Variants in HK1 observed in about 807,000 individuals in gnomAD.
HK1 encodes the protein hexokinase 1, also known as hexokinase-1.
Under a neutral mutation model 91.6 loss-of-function variants are expected in HK1, and 28 were observed. The ratio of observed to expected loss-of-function variants is 0.31; its 90% CI spans 0.23 to 0.42. The LOEUF (loss-of-function observed/expected upper bound fraction) is 0.42, where lower values mean the gene tolerates loss of function less well. Among genes scored for constraint, HK1 ranks in the 10% least tolerant of loss-of-function variants. The pLI, the probability that HK1 is intolerant of heterozygous loss-of-function variation, is 1.00. For missense variants in HK1, 770 were observed against 1,219.8 expected (o/e 0.63, Z 5.49); for synonymous variants, 430 against 468.1 (o/e 0.92, Z 1.05).
chr10:69,364,738 T>C (rs370317498), intron 3 of HK1, 45 bp from the exon 4 acceptor site: 1 of 1,613,100 alleles, frequency 6.2e-7, no homozygotes, highest in Non-Finnish European at 8.5e-7. Flanking sequence ...TATGAAATGC[T>C]AAGCCTGCTT....
At chr10:69,367,551 C>T (rs1253958893) in intron 4 of HK1, among the ~76,000 whole-genome samples, 1 of 152,176 alleles carries the variant, frequency 6.6e-6, no homozygotes, top group Non-Finnish European at 1.5e-5. Flanking sequence ...AGGGCTTTTG[C>T]AGTTCCTGAC....
rs911355688 is a variant in HK1, at chr10:69,374,833, C to T, written c.876-2101C>T. On this transcript the variant is annotated intron_variant, in intron 7 of 17. Transcript: ENST00000359426. ...GAGGGTGCCAGGAGGCTGATGTTAG[C>T]GCATCCTATGGGGAATGCCCTTTCT... Among the ~76,000 whole-genome samples the T allele has an allele frequency of 3.3e-5, 5 of 152,194 alleles. No individual in the cohort carries two copies. In the South Asian group the frequency reaches 6.2e-4, roughly 19 times the overall value.
chr10:69,361,997 C>G (rs981935845), intron 3 of HK1, among the ~76,000 whole-genome samples: 1 of 151,966 alleles, frequency 6.6e-6, no homozygotes, highest in East Asian at 1.9e-4. Flanking sequence ...TTGTATTGTT[C>G]GTAGAGATGG....
At chr10:69,312,210 T>C (rs1846410179), upstream of HK1, among the ~76,000 whole-genome samples, 1 of 152,190 alleles carries the variant, frequency 6.6e-6, no homozygotes, top group African/African-American at 2.4e-5. Flanking sequence ...GTGATTACCC[T>C]AACCCTTCAA....
chr10:69,366,795 C>A lies in HK1; in HGVS notation c.496-1741C>A, dbSNP rs570023289. Among the ~76,000 whole-genome samples the A allele has an allele frequency of 7.2e-5, 11 of 152,330 alleles. No individual in the cohort carries two copies. The East Asian group carries it at 1.5e-3, about 21-fold the overall frequency. On this transcript the variant is annotated intron_variant, in intron 4 of 17. Coordinates refer to ENST00000359426, the MANE Select transcript of HK1 (RefSeq NM_000188.3). Reference sequence around the variant, plus strand: ...TTCCCTTGGCTTTTGAGAACTGAGACATGACAGTCACTCCCCCTTCCCCTT... The same window carrying A: ...TTCCCTTGGCTTTTGAGAACTGAGAAATGACAGTCACTCCCCCTTCCCCTT...
At chr10:69,326,984 T>C (rs1044344708) in intron 1 of HK1, among the ~76,000 whole-genome samples, 20 of 151,828 alleles carry the variant, frequency 1.3e-4, no homozygotes, top group African/African-American at 4.8e-4. Flanking sequence ...ATGGTATTGC[T>C]TTGTGTGGTT....
rs1839455682 is a variant in HK1 at position 69,382,756 on chromosome 10, T to G, written c.1535T>G (p.Leu512Arg). Residue 512 changes from leucine to arginine, a missense_variant, in exon 10 of 18, where the codon CTG becomes CGG. Physicochemically the swap from Leu to Arg is moderately radical, Grantham distance 102. Around this residue, in one of 7 missense-constraint regions of HK1, gnomAD observed 48 missense variants for 128.2 expected, o/e 0.37. Coordinates refer to ENST00000359426, the MANE Select transcript of HK1 (RefSeq NM_000188.3). ...CACAACAATGCCGTGGTTAAGATGC[T>G]GCCCTCCTTCGTCCGGAGAACTCCC... is the stretch of plus-strand genomic sequence containing the variant. The part of the protein sequence containing the change: ...QTHNNAVVKM[L>R]PSFVRRTPDG... 1 of 1,612,928 alleles carries G rather than the reference T, an allele frequency of 6.2e-7. No individual in the cohort carries two copies. The highest frequency in any genetic ancestry group is 1.1e-5 in the South Asian group (1 of 90,612).
intron 3 of HK1, among the ~76,000 whole-genome samples, chr10:69,362,685 T>TCTCCCAGGCGCCTCC (rs1299974861): frequency 1.6e-4 from 24 of 152,162 alleles, no homozygotes; most frequent in African/African-American, 5.6e-4. Flanking sequence ...CCATTTGAGT[T>TCTCCCAGGCGCCTCC]CTGCCCCTTC....
chr10:69,382,640 C>G lies in HK1; in HGVS notation c.1419C>G (p.Thr473=). ...LAEQHRQIEE[T]LAHFHLTKDM... is the part of the protein sequence containing the mutation. ...AGCAGCACCGGCAGATAGAGGAGAC[C>G]CTGGCTCATTTCCACCTCACCAAGG... The change falls in exon 10 of 18, where the codon ACC becomes ACG. Residue 473 remains threonine, a synonymous_variant. Transcript: ENST00000359426. 6.2e-7 allele frequency: 1 copy of G among 1,614,170 alleles called. No homozygotes were observed. The highest frequency in any genetic ancestry group is 8.5e-7 in the Non-Finnish European group (1 of 1,180,036).
chr10:69,278,306 T>C (rs982433595), intron 1 of HK1, among the ~76,000 whole-genome samples: 4 of 152,242 alleles, frequency 2.6e-5, no homozygotes, highest in South Asian at 2.1e-4. Context: ...AGAATATGTA[T>C]ATTTAATCTG....
chr10:69,285,642 C>G (rs1844995860), intron 2 of HK1, among the ~76,000 whole-genome samples: 1 of 152,154 alleles, frequency 6.6e-6, no homozygotes, highest in African/African-American at 2.4e-5. Flanking sequence ...TTGGCTTACA[C>G]AGATGCTCTA....
intron 2 of HK1, among the ~76,000 whole-genome samples, chr10:69,355,890 T>G (rs554547787): frequency 6.6e-6 from 1 of 152,282 alleles, no homozygotes; most frequent in South Asian, 2.1e-4. Flanking sequence ...GAAAGAATAG[T>G]CTTTTCAGCA....
At chr10:69,289,226 C>G (rs574587465) in intron 3 of HK1, among the ~76,000 whole-genome samples, 1 of 152,264 alleles carries the variant, frequency 6.6e-6, no homozygotes, top group South Asian at 2.1e-4. Context: ...CAGGAGCCCC[C>G]TCAGACCCAG....
chr10:69,367,865 G>A (rs1849786738), intron 4 of HK1, among the ~76,000 whole-genome samples: 1 of 152,146 alleles, frequency 6.6e-6, no homozygotes, highest in Non-Finnish European at 1.5e-5. Flanking sequence ...AACTATCAAA[G>A]TAAGATAAAA....
chr10:69,276,118 A>AAAAAAAAATATATATATATATAT, intron 1 of HK1, among the ~76,000 whole-genome samples: 1 of 38,272 alleles, frequency 2.6e-5, no homozygotes, highest in Non-Finnish European at 5.1e-5. Context: ...AAAAAAAAAA[A>AAAAAAAAATATATATATATATAT]ATACATATAT....
At chr10:69,362,896 C>A (rs751659351) in intron 3 of HK1, among the ~76,000 whole-genome samples, 1 of 152,206 alleles carries the variant, frequency 6.6e-6, no homozygotes, top group Non-Finnish European at 1.5e-5. Flanking sequence ...AGCTGCTCTG[C>A]AGCCTGAGTA....
chr10:69,335,639 G>A (rs1181110194), intron 1 of HK1, among the ~76,000 whole-genome samples: 1 of 152,230 alleles, frequency 6.6e-6, no homozygotes, highest in African/African-American at 2.4e-5. Flanking sequence ...CTTGCCCAGG[G>A]TGTTGGAAGT....
rs1254052171 is a variant in HK1, at chr10:69,328,534, G to C, written c.63+9524G>C. Among the ~76,000 whole-genome samples the C allele has an allele frequency of 3.9e-5, 6 of 152,338 alleles. No homozygotes were observed. In the East Asian group the frequency reaches 1.2e-3, roughly 29 times the overall value. On this transcript the variant is annotated intron_variant, in intron 1 of 17. Transcript: ENST00000359426. Reference sequence around the variant, plus strand: ...TAGTTCATCCCCACAACGCCCTTGTGAGGTGGGTGTGATTTCAGACGGTGA... The same window carrying C: ...TAGTTCATCCCCACAACGCCCTTGTCAGGTGGGTGTGATTTCAGACGGTGA...
At chr10:69,293,855 C>CTTTTTTTTTTT (rs34434447) in intron 3 of HK1, among the ~76,000 whole-genome samples, 5 of 98,970 alleles carry the variant, frequency 5.1e-5, no homozygotes, top group Non-Finnish European at 7.6e-5. Flanking sequence ...ATATTTCTTT[C>CTTTTTTTTTTT]TTTTTTTTTT....
Sources: allele counts gnomAD v4.1 joint callset (sites outside exome capture counted in the v4.1 genomes callset), GRCh38; gene constraint gnomAD v4.1.1; regional missense constraint gnomAD v4.1.1; transcripts MANE v1.5; gene names NCBI Gene and HGNC (gene_info 2026-07-23, HGNC 2026-07-21).